AHR: variants seen among roughly 807,000 people sequenced by gnomAD.
AHR encodes the protein AH-receptor.
A neutral mutation model predicts 86.8 loss-of-function variants in AHR; 40 were observed. That is an observed-to-expected ratio of 0.46 (90% CI 0.36 to 0.60). The LOEUF is 0.60. Ranked by LOEUF, AHR falls within the 20% of genes least tolerant of loss-of-function variation. The pLI is 0.00. For missense variants in AHR, 1,001 were observed against 1,011.6 expected (o/e 0.99, Z 0.14); for synonymous variants, 398 against 354.9 (o/e 1.12, Z -1.37).
intron 1 of AHR, among the ~76,000 whole-genome samples, chr7:17,309,514 G>A (rs1171072416): frequency 6.6e-6 from 1 of 152,178 alleles, no homozygotes; most frequent in Non-Finnish European, 1.5e-5. Flanking sequence ...TATTGACAAC[G>A]TCAATGATGC....
intron 2 of AHR, among the ~76,000 whole-genome samples, chr7:17,318,574 A>G (rs1051402742): frequency 3.9e-5 from 6 of 152,130 alleles, no homozygotes. Flanking sequence ...AAAGTGGTAC[A>G]TATCCTCACT....
chr7:17,339,018 G>C lies in AHR; in HGVS notation c.1193G>C (p.Arg398Pro). ...GAAGGAACAGAGCATTTACGAAAAC[G>C]AAATACGAAGTTGCCTTTTATGTTT... ...DEEGTEHLRK[R>P]NTKLPFMFTT... Residue 398 changes from arginine to proline, a missense_variant, in exon 10 of 11, where the codon CGA becomes CCA. This residue lies in a region of AHR where 607 missense variants were observed against 543.1 expected (regional missense o/e 1.12). Transcript: ENST00000242057. 6.2e-7 allele frequency: 1 copy of C among 1,613,838 alleles called. No individual in the cohort carries two copies. Among genetic ancestry groups the C allele is most frequent in the Non-Finnish European group, 8.5e-7 (1 of 1,179,888 alleles).
At chr7:17,308,340 T>G (rs1782026526) in intron 1 of AHR, among the ~76,000 whole-genome samples, 1 of 152,154 alleles carries the variant, frequency 6.6e-6, no homozygotes, top group African/African-American at 2.4e-5. Flanking sequence ...GATACCACCT[T>G]TTCTGTAAAA....
At chr7:17,342,209 A>G (rs986831040) in intron 10 of AHR, among the ~76,000 whole-genome samples, 4 of 152,148 alleles carry the variant, frequency 2.6e-5, no homozygotes, top group African/African-American at 4.8e-5. Context: ...TCTGTAATCT[A>G]TAAAACTCTA....
chr7:17,319,062 G>C (rs932843235), intron 2 of AHR, among the ~76,000 whole-genome samples: 3 of 152,018 alleles, frequency 2.0e-5, no homozygotes, highest in African/African-American at 4.8e-5. Context: ...AGGGTCAGCT[G>C]TACTTTCAAA....
chr7:17,341,535 C>T (rs1782424112), intron 10 of AHR, among the ~76,000 whole-genome samples: 1 of 151,944 alleles, frequency 6.6e-6, no homozygotes, highest in Non-Finnish European at 1.5e-5. Flanking sequence ...ACATATGTTC[C>T]AGAGTACATG....
At position 17,340,073 on chromosome 7, in the gene AHR, C is replaced by T. The variant is rs754984456; in HGVS notation, c.2248C>T (p.His750Tyr). The change falls in exon 10 of 11, where the codon CAT (histidine) becomes TAT (tyrosine). Residue 750 changes from histidine to tyrosine, a missense_variant. Physicochemically the swap from His to Tyr is moderately conservative, Grantham distance 83. Transcript: ENST00000242057. ...TCLQLPENQK[H>Y]GLNPQSAIIT... Reference sequence around the variant, plus strand: ...TTTACAACTTCCTGAAAACCAAAAGCATGGATTAAATCCACAGTCAGCCAT... The same window carrying T: ...TTTACAACTTCCTGAAAACCAAAAGTATGGATTAAATCCACAGTCAGCCAT... 27 of 1,614,054 alleles carry T rather than the reference C, an allele frequency of 1.7e-5. No individual in the cohort carries two copies.
At chr7:17,307,881 A>C (rs1036841913) in intron 1 of AHR, among the ~76,000 whole-genome samples, 3 of 152,058 alleles carry the variant, frequency 2.0e-5, no homozygotes, top group African/African-American at 7.2e-5. Context: ...TGTCTCCTCT[A>C]TCTTGAACAT....
chr7:17,340,332 G>A, intron 10 of AHR, 104 bp downstream of exon 10: 4 of 1,401,254 alleles, frequency 2.9e-6, no homozygotes, highest in South Asian at 1.6e-5. Flanking sequence ...GTTATCTACA[G>A]CATTCATGGA....
rs192463009 is a variant in AHR, at chr7:17,308,644, A to G, written c.66-1292A>G. ...GCTAGGGGAACCATCACCAATTTCT[A>G]TTATATACACAGTTGTACAGACAAC... On this transcript the variant is annotated intron_variant, in intron 1 of 10. Transcript: ENST00000242057. 1.6e-4 allele frequency among the ~76,000 whole-genome samples: 24 copies of G among 152,086 alleles called. No individual in the cohort carries two copies. The Middle Eastern group carries it at 0.01, about 65-fold the overall frequency.
At chr7:17,328,304 T>C (rs1782250147) in intron 4 of AHR, among the ~76,000 whole-genome samples, 1 of 151,962 alleles carries the variant, frequency 6.6e-6, no homozygotes, top group Non-Finnish European at 1.5e-5. Context: ...ACCTAAATAA[T>C]GTGTAACAGG....
intron 1 of AHR, among the ~76,000 whole-genome samples, chr7:17,304,898 C>T (rs376385377): frequency 5.3e-5 from 8 of 151,392 alleles, no homozygotes; most frequent in South Asian, 2.1e-4. Context: ...TATGCGGGTT[C>T]GAGGGGGAAT....
intron 1 of AHR, among the ~76,000 whole-genome samples, chr7:17,303,717 G>T (rs562647155): frequency 3.3e-5 from 5 of 151,952 alleles, no homozygotes; most frequent in African/African-American, 9.7e-5. Flanking sequence ...CCCTTGGGAC[G>T]TGTAAATTTT....
In AHR at chr7:17,343,229, G is replaced by T. The variant is rs569924715; in HGVS notation, c.*165G>T. 8 of 842,930 alleles carry T rather than the reference G, an allele frequency of 9.5e-6. No individual in the cohort carries two copies. The South Asian group carries it at 1.3e-4, about 14-fold the overall frequency. 52.2% of individuals were successfully genotyped at this position (842,930 alleles called of 1,614,324 possible). ...AATTTTAATTTTTGCTTTTAGAAAA[G>T]GGAGTTTAAAAATGGTATCAAAATT... On this transcript the variant is annotated 3_prime_UTR_variant, in exon 11 of 11. Transcript: ENST00000242057.
At chr7:17,342,155 T>C (rs1468518601) in intron 10 of AHR, among the ~76,000 whole-genome samples, 1 of 152,170 alleles carries the variant, frequency 6.6e-6, no homozygotes, top group Non-Finnish European at 1.5e-5. Context: ...GATTTTAATC[T>C]GTTTTAAAGT....
chr7:17,303,738 T>A (rs1781977631), intron 1 of AHR, among the ~76,000 whole-genome samples: 1 of 152,090 alleles, frequency 6.6e-6, no homozygotes, highest in African/African-American at 2.4e-5. Flanking sequence ...AATGCAAATT[T>A]ATTTTTTTAG....
chr7:17,334,157 A>G, intron 7 of AHR, 43 bp downstream of exon 7: 2 of 1,511,152 alleles, frequency 1.3e-6, no homozygotes, highest in South Asian at 1.1e-5. Flanking sequence ...GATGTACATT[A>G]TGTTTCAGTA....
rs149412835 is a variant in AHR at position 17,339,236 on chromosome 7, C to A, written c.1411C>A (p.Pro471Thr). 3 of 1,614,168 alleles carry A rather than the reference C, an allele frequency of 1.9e-6. No homozygotes were observed. Among genetic ancestry groups the A allele is most frequent in the Non-Finnish European group, 2.5e-6 (3 of 1,180,012 alleles). The change falls in exon 10 of 11, where the codon CCT becomes ACT. Residue 471 changes from proline to threonine, a missense_variant. Around this residue, in one of 2 missense-constraint regions of AHR, gnomAD observed 607 missense variants for 543.1 expected, o/e 1.12. Transcript: ENST00000242057. ...MQQDESIYLYPASSTSSTAPF... is the reference protein window; with the variant it reads ...MQQDESIYLYTASSTSSTAPF... ...ACAAGATGAGTCTATTTATCTCTATCCTGCTTCAAGTACTTCAAGTACTGC... is the reference window on the plus strand; with the variant it reads ...ACAAGATGAGTCTATTTATCTCTATACTGCTTCAAGTACTTCAAGTACTGC...
At chr7:17,316,005 C>T (rs1207497269) in intron 2 of AHR, among the ~76,000 whole-genome samples, 2 of 151,772 alleles carry the variant, frequency 1.3e-5, no homozygotes, top group Non-Finnish European at 2.9e-5. Context: ...GGAAAAGTAC[C>T]AAAGATAAGA....
Sources: gnomAD v4.1 joint callset for allele counts (sites outside exome capture counted in the v4.1 genomes callset) on GRCh38, gnomAD v4.1.1 for gene constraint, gnomAD v4.1.1 regional missense constraint, MANE v1.5 for transcripts, NCBI Gene and HGNC (gene_info 2026-07-23, HGNC 2026-07-21) for gene names.